Variants in DNAH3 observed in about 807,000 individuals in gnomAD.
DNAH3 encodes the protein dynein axonemal heavy chain 3.
A neutral mutation model predicts 432.5 loss-of-function variants in DNAH3; 332 were observed. The ratio of observed to expected loss-of-function variants is 0.77; its 90% CI spans 0.70 to 0.84. The LOEUF (loss-of-function observed/expected upper bound fraction) is 0.84, where lower values mean the gene tolerates loss of function less well. Among genes scored for constraint, DNAH3 ranks in the 40% least tolerant of loss-of-function variants. The probability of loss-of-function intolerance (pLI) is 0.00; values close to 1 mark genes in which losing one functional copy is unlikely to be tolerated. For missense variants in DNAH3, 4,861 were observed against 5,114.0 expected (o/e 0.95, Z 1.51); for synonymous variants, 1,956 against 1,900.2 (o/e 1.03, Z -0.76).
chr16:20,984,029 G>GA (rs61475224), intron 48 of DNAH3, among the ~76,000 whole-genome samples: 2,013 of 112,092 alleles, frequency 0.018, 43 homozygotes, highest in Admixed American at 0.043. Flanking sequence ...CCTATATCCA[G>GA]AAAAAAAAAA....
exon 48 of DNAH3, chr16:20,985,595 T>C (rs764378500): frequency 1.4e-5 from 22 of 1,614,242 alleles, no homozygotes; most frequent in Non-Finnish European, 1.9e-5. Flanking sequence ...GTCAGCTGTT[T>C]CAGGTCAGTG....
chr16:21,057,384 G>T (rs1211797550), intron 27 of DNAH3, among the ~76,000 whole-genome samples: 5 of 152,172 alleles, frequency 3.3e-5, no homozygotes, highest in African/African-American at 1.2e-4. Context: ...TCCCCGTAGG[G>T]TTTACAGCCT....
chr16:21,018,633 G>A (rs2087983702), intron 41 of DNAH3, among the ~76,000 whole-genome samples: 1 of 152,112 alleles, frequency 6.6e-6, no homozygotes, highest in Non-Finnish European at 1.5e-5. Flanking sequence ...AGTGGCTCAC[G>A]CCTGTAATCC....
intron 17 of DNAH3, 115 bp from the exon 18 acceptor site, chr16:21,097,614 A>G: frequency 7.9e-7 from 1 of 1,268,170 alleles, no homozygotes; most frequent in South Asian, 1.3e-5. Context: ...ATGCTTATTC[A>G]TCTGGAGAGT....
chr16:21,101,064 C>G (rs574281591), intron 16 of DNAH3, among the ~76,000 whole-genome samples: 1 of 152,264 alleles, frequency 6.6e-6, no homozygotes, highest in South Asian at 2.1e-4. Context: ...AAACCTATTG[C>G]AATTTGAAAA....
intron 3 of DNAH3, among the ~76,000 whole-genome samples, chr16:21,142,495 G>A (rs1233906389): frequency 1.3e-5 from 2 of 151,908 alleles, no homozygotes; most frequent in African/African-American, 4.8e-5. Context: ...ATTGCAAGTA[G>A]AAAAACCAAT....
intron 58 of DNAH3, 132 bp from the exon 59 acceptor site, chr16:20,941,675 G>A (rs932866446): frequency 8.5e-7 from 1 of 1,170,282 alleles, no homozygotes; most frequent in South Asian, 1.5e-5. Context: ...CTCTCCAACA[G>A]AAGCCATTTC....
At chr16:21,002,439 G>GTGT (rs1197835817) in intron 42 of DNAH3, among the ~76,000 whole-genome samples, 1 of 109,458 alleles carries the variant, frequency 9.1e-6, no homozygotes, top group Admixed American at 9.4e-5. Flanking sequence ...TGACTATCTG[G>GTGT]TGTTGTTATT....
At chr16:21,148,996 C>G (rs2092820607) in intron 1 of DNAH3, among the ~76,000 whole-genome samples, 1 of 151,976 alleles carries the variant, frequency 6.6e-6, no homozygotes, top group Non-Finnish European at 1.5e-5. Context: ...TTTGGGAGGC[C>G]GAGGCGGGTG....
chr16:21,081,708 T>G, exon 20 of DNAH3: 2 of 1,613,896 alleles, frequency 1.2e-6, no homozygotes, highest in Non-Finnish European at 1.7e-6. Context: ...CTTTATCTCA[T>G]AGCCAACAAT....
intron 23 of DNAH3, among the ~76,000 whole-genome samples, chr16:21,067,776 G>GGAGGGAGAGAGAGAGAGAGAGAGAGA (rs374291201): frequency 2.4e-5 from 1 of 40,894 alleles, no homozygotes; most frequent in African/African-American, 1.2e-4. Context: ...GGGTGGGGAG[G>GGAGGGAGAGAGAGAGAGAGAGAGAGA]GAGAGAGAGA....
chr16:20,956,328 G>C (rs896737088), intron 54 of DNAH3, among the ~76,000 whole-genome samples: 3 of 152,194 alleles, frequency 2.0e-5, no homozygotes, highest in Non-Finnish European at 4.4e-5. Flanking sequence ...CATGGCAACA[G>C]TTAGCTAGTA....
At chr16:21,112,830 C>A (rs934541708) in intron 12 of DNAH3, among the ~76,000 whole-genome samples, 9 of 152,134 alleles carry the variant, frequency 5.9e-5, no homozygotes, top group Non-Finnish European at 1.3e-4. Flanking sequence ...CAAAGGAGAT[C>A]ATTTTGGAGC....
chr16:21,035,598 G>A (rs1431518434), intron 35 of DNAH3, among the ~76,000 whole-genome samples: 1 of 152,096 alleles, frequency 6.6e-6, no homozygotes, highest in Admixed American at 6.6e-5. Flanking sequence ...TGTAAAATCT[G>A]GGTGGTGAGT....
At chr16:21,022,210 TA>T (rs2152713389) in intron 39 of DNAH3, 110 bp from the exon 40 acceptor site, 1 of 1,149,564 alleles carries the variant, frequency 8.7e-7, no homozygotes, top group South Asian at 1.4e-5. Flanking sequence ...ACTGCTGATT[TA>T]AATGTAGGTG....
intron 9 of DNAH3, among the ~76,000 whole-genome samples, chr16:21,122,990 C>T (rs117825612): frequency 5.3e-5 from 8 of 151,908 alleles, no homozygotes; most frequent in African/African-American, 7.3e-5. Flanking sequence ...AATTTATATG[C>T]GTATCTCAAC....
At chr16:21,143,283 G>A (rs1435719724) in intron 3 of DNAH3, among the ~76,000 whole-genome samples, 1 of 152,014 alleles carries the variant, frequency 6.6e-6, no homozygotes, top group African/African-American at 2.4e-5. Flanking sequence ...GTATTTGGAG[G>A]TGGGACTCTT....
chr16:20,968,272 T>C (rs749777759), intron 52 of DNAH3, among the ~76,000 whole-genome samples: 1 of 152,110 alleles, frequency 6.6e-6, no homozygotes, highest in Non-Finnish European at 1.5e-5. Flanking sequence ...TTTTGTCATG[T>C]TGTCCAGGCT....
intron 16 of DNAH3, among the ~76,000 whole-genome samples, chr16:21,099,385 T>A (rs567826861): frequency 6.6e-6 from 1 of 151,928 alleles, no homozygotes; most frequent in Non-Finnish European, 1.5e-5. Flanking sequence ...CTGAAGAAAA[T>A]AAAATAGGGC....
Sources: allele counts gnomAD v4.1 joint callset (sites outside exome capture counted in the v4.1 genomes callset), GRCh38; gene constraint gnomAD v4.1.1; transcripts MANE v1.5; gene names NCBI Gene and HGNC (gene_info 2026-07-23, HGNC 2026-07-21).